The following CLASP1 variants were observed in gnomAD, a reference collection of about 807,000 sequenced individuals.
CLASP1 encodes cytoplasmic linker associated protein 1, also known as CLIP-associating protein 1.
A neutral mutation model predicts 192.3 loss-of-function variants in CLASP1; 38 were observed. That is an observed-to-expected ratio of 0.20 (90% confidence interval 0.15 to 0.26). CLASP1 has a LOEUF of 0.26. Ranked by LOEUF, CLASP1 falls within the 10% of genes least tolerant of loss-of-function variation. The pLI, the probability that CLASP1 is intolerant of heterozygous loss-of-function variation, is 1.00. For missense variants in CLASP1, 1,433 were observed against 1,932.5 expected, an observed-to-expected ratio of 0.74 and a Z score of 4.85; for synonymous variants, 691 against 712.8, an observed-to-expected ratio of 0.97 and a Z score of 0.49.
Position 121,359,865 on chromosome 2 carries a change from T to C in CLASP1, c.4206+3307A>G, listed in dbSNP as rs2066040040. ...GTATGTTAGCTTTGGATGAATGGTG[T>C]CTGAGACAGATTTGGTACTTGGCAC... On this transcript the variant is annotated intron_variant, in intron 37 of 39. Coordinates refer to ENST00000263710, the Ensembl canonical transcript of CLASP1. Among the ~76,000 whole-genome samples the C allele has an allele frequency of 2.6e-5, 4 of 152,338 alleles. No individual in the cohort carries two copies. The South Asian group carries it at 8.3e-4, about 32-fold the overall frequency.
intron 19 of CLASP1, among the ~76,000 whole-genome samples, chr2:121,442,772 C>T (rs1215594968): frequency 2.0e-5 from 3 of 152,130 alleles, no homozygotes; most frequent in African/African-American, 7.2e-5. Flanking sequence ...AGCCACTGCA[C>T]TCACCCTCTA....
chr2:121,392,864 G>C (rs1032383175), intron 30 of CLASP1, among the ~76,000 whole-genome samples: 22 of 152,172 alleles, frequency 1.4e-4, no homozygotes, highest in African/African-American at 5.3e-4. Flanking sequence ...GCTAGTTACA[G>C]ACTGGGTTGG....
At chr2:121,383,919 G>A (rs2072407898) in intron 32 of CLASP1, among the ~76,000 whole-genome samples, 1 of 149,660 alleles carries the variant, frequency 6.7e-6, no homozygotes, top group African/African-American at 2.5e-5. Context: ...TTTTACAAAA[G>A]TTTAACCTAT....
At chr2:121,562,232 C>T (rs2105316339) in intron 2 of CLASP1, among the ~76,000 whole-genome samples, 1 of 152,320 alleles carries the variant, frequency 6.6e-6, no homozygotes, top group East Asian at 1.9e-4. Context: ...AGCCACAGCA[C>T]AGGAACCTGG....
exon 12 of CLASP1, chr2:121,460,123 T>C: frequency 2.5e-6 from 4 of 1,609,386 alleles, no homozygotes; most frequent in Non-Finnish European, 3.4e-6. Flanking sequence ...TAATCTTTTT[T>C]AGCTAATGGA....
At chr2:121,599,737 G>A (rs1231191071) in intron 2 of CLASP1, among the ~76,000 whole-genome samples, 2 of 150,746 alleles carry the variant, frequency 1.3e-5, no homozygotes, top group Admixed American at 6.6e-5. Context: ...CCAACATGGC[G>A]AAGCCCCATC....
chr2:121,460,638 AAATAGCCTTCTCAGAT>A (rs2087731779), intron 11 of CLASP1, among the ~76,000 whole-genome samples: 1 of 152,172 alleles, frequency 6.6e-6, no homozygotes, highest in Non-Finnish European at 1.5e-5. Flanking sequence ...AACCAGTAGA[AAATAGCCTTCTCAGAT>A]AAGACACACC....
In CLASP1 at chr2:121,477,742, A is replaced by G. The variant is rs184440003; in HGVS notation, c.713-7782T>C. On this transcript the variant is annotated intron_variant, in intron 8 of 39. Coordinates refer to ENST00000263710, the Ensembl canonical transcript of CLASP1. ...ATTTATTGATATTGAATTGTTTTCA[A>G]TTTTTCACCTTCATAATACCACTGC... is the stretch of plus-strand genomic sequence containing the variant. Among the ~76,000 whole-genome samples, 145 of 152,270 alleles carry G rather than the reference A, an allele frequency of 9.5e-4. 1 individual carries two copies. Among genetic ancestry groups the G allele is most frequent in the Admixed American group, 3.1e-3 (48 of 15,296 alleles).
intron 20 of CLASP1, among the ~76,000 whole-genome samples, chr2:121,428,067 C>T (rs540515388): frequency 1.3e-5 from 2 of 152,186 alleles, no homozygotes; most frequent in South Asian, 2.1e-4. Flanking sequence ...TTCCTGAGTA[C>T]GATTTGGTGA....
chr2:121,425,349 T>C (rs1340492650), intron 21 of CLASP1, 43 bp from the exon 22 acceptor site: 1 of 1,574,920 alleles, frequency 6.3e-7, no homozygotes, highest in Admixed American at 1.8e-5. Flanking sequence ...GATGTAAATG[T>C]AGGAATGAAC....
chr2:121,457,316 T>C (rs562577693), intron 14 of CLASP1, among the ~76,000 whole-genome samples: 1 of 152,346 alleles, frequency 6.6e-6, no homozygotes, highest in Non-Finnish European at 1.5e-5. Flanking sequence ...TTTTCTTGCA[T>C]GCAGTTACTG....
In CLASP1 at chr2:121,465,182, G is replaced by T. The variant is rs527374022; in HGVS notation, c.866-2577C>A. On this transcript the variant is annotated intron_variant, in intron 9 of 39. Coordinates refer to ENST00000263710, the Ensembl canonical transcript of CLASP1. ...AAGTTCTGGCCAGGGCAATTAGGCA[G>T]GAGAAGGAAATAAAGGGTATTCAAT... is the stretch of plus-strand genomic sequence containing the variant. Among the ~76,000 whole-genome samples the T allele has an allele frequency of 1.1e-4, 16 of 152,178 alleles. No homozygotes were observed. The South Asian group carries it at 3.3e-3, about 32-fold the overall frequency.
chr2:121,638,836 T>C (rs939017948), intron 1 of CLASP1, among the ~76,000 whole-genome samples: 3 of 151,948 alleles, frequency 2.0e-5, no homozygotes, highest in African/African-American at 7.2e-5. Flanking sequence ...CCCAGCTAAT[T>C]TTTTGTATAT....
At chr2:121,414,049 G>C (rs1236681121) in intron 23 of CLASP1, among the ~76,000 whole-genome samples, 92 bp downstream of exon 24, 20 of 152,194 alleles carry the variant, frequency 1.3e-4, no homozygotes, top group Non-Finnish European at 2.9e-5. Flanking sequence ...AACATGCCAA[G>C]TGCTAGCCGA....
intron 2 of CLASP1, among the ~76,000 whole-genome samples, chr2:121,533,025 G>A (rs1466343761): frequency 1.3e-5 from 2 of 152,270 alleles, no homozygotes; most frequent in East Asian, 3.9e-4. Flanking sequence ...CATCGTTCAA[G>A]GCTAAGGTAA....
At chr2:121,367,566 A>T (rs1217843339) in intron 35 of CLASP1, 22 bp downstream of exon 36, 32 of 1,613,536 alleles carry the variant, frequency 2.0e-5, no homozygotes, top group Non-Finnish European at 2.4e-5. Flanking sequence ...GGGTGGGGAC[A>T]GTTAAGAAAA....
intron 1 of CLASP1, among the ~76,000 whole-genome samples, chr2:121,615,984 T>C (rs2066389162): frequency 6.6e-6 from 1 of 152,070 alleles, no homozygotes; most frequent in African/African-American, 2.4e-5. Context: ...AACTGAAACA[T>C]GAAAATGTTT....
chr2:121,565,555 C>G (rs1453145144), intron 2 of CLASP1, among the ~76,000 whole-genome samples: 2 of 152,168 alleles, frequency 1.3e-5, no homozygotes, highest in African/African-American at 2.4e-5. Flanking sequence ...AAAGCTCTGC[C>G]CTGAAGCCAC....
At chr2:121,530,999 T>A (rs1281131043) in intron 2 of CLASP1, 3 of 700,240 alleles carry the variant, frequency 4.3e-6, no homozygotes, top group Non-Finnish European at 7.8e-6. Context: ...TGGTGCAATT[T>A]TTGGAAAAAT....
Sources: gnomAD v4.1 joint callset for allele counts (sites outside exome capture counted in the v4.1 genomes callset) on GRCh38, gnomAD v4.1.1 for gene constraint, MANE v1.5 for transcripts, NCBI Gene and HGNC (gene_info 2026-07-23, HGNC 2026-07-21) for gene names.